WDR11: variants seen among roughly 807,000 people sequenced by gnomAD.
WDR11 encodes WD repeat-containing protein 11.
In WDR11, 83 loss-of-function variants were observed where a neutral mutation model predicts 151.2. That is an observed-to-expected ratio of 0.55 (90% confidence interval 0.46 to 0.66). The LOEUF (loss-of-function observed/expected upper bound fraction) is 0.66. Ranked by LOEUF, WDR11 falls within the 30% of genes least tolerant of loss-of-function variation. WDR11 has a pLI of 0.00. For missense variants in WDR11, 1,301 were observed against 1,480.9 expected (o/e 0.88, Z 1.99); for synonymous variants, 484 against 533.1 (o/e 0.91, Z 1.27).
intron 4 of WDR11, among the ~76,000 whole-genome samples, chr10:120,861,405 TACTC>T (rs1323205492): frequency 1.3e-5 from 2 of 152,184 alleles, no homozygotes; most frequent in African/African-American, 2.4e-5. Flanking sequence ...CCAGTTTACT[TACTC>T]ACATAGGTGC....
intron 28 of WDR11, chr10:120,907,214 C>A: frequency 7.3e-6 from 2 of 273,382 alleles, no homozygotes; most frequent in South Asian, 4.6e-5. Flanking sequence ...ACCAGACATT[C>A]CATGGAATAA....
At chr10:120,871,136 A>G (rs370030833) in intron 9 of WDR11, 34 bp from the exon 10 acceptor site, 15 of 1,606,576 alleles carry the variant, frequency 9.3e-6, no homozygotes, top group Non-Finnish European at 1.3e-5. Context: ...CATACACTGT[A>G]GTTAATATAT....
intron 16 of WDR11, among the ~76,000 whole-genome samples, chr10:120,888,818 T>C (rs773648877): frequency 2.9e-4 from 44 of 152,140 alleles, no homozygotes; most frequent in Non-Finnish European, 5.1e-4. Context: ...GAGGTATTTG[T>C]TCCTCAAAAG....
chr10:120,906,521 T>C, intron 27 of WDR11: 5 of 1,354,356 alleles, frequency 3.7e-6, no homozygotes, highest in Non-Finnish European at 1.9e-6. Context: ...GCACTTGTCA[T>C]ATCTCTGTAG....
intron 19 of WDR11, among the ~76,000 whole-genome samples, chr10:120,896,342 G>T (rs1262622505): frequency 6.6e-6 from 1 of 152,162 alleles, no homozygotes; most frequent in Non-Finnish European, 1.5e-5. Flanking sequence ...ATGGAAAAAT[G>T]GAGAGTATGG....
At chr10:120,865,257 G>T in intron 6 of WDR11, 45 bp downstream of exon 6, 1 of 1,585,354 alleles carries the variant, frequency 6.3e-7, no homozygotes, top group Non-Finnish European at 8.7e-7. Flanking sequence ...TATTAAGAAT[G>T]TTATATTAAA....
At position 120,857,852 on chromosome 10, in the gene WDR11, A is replaced by G. The variant is rs567775392; in HGVS notation, c.199-791A>G. On this transcript the variant is annotated intron_variant, in intron 2 of 28. Transcript: ENST00000263461. The stretch of plus-strand genomic sequence containing the variant: ...AAACAAAGACCACATGGTGTGCCCT[A>G]TGGAACTTACAGTTGATGGACTCAT... Among the ~76,000 whole-genome samples, 16 of 152,350 alleles carry G rather than the reference A, an allele frequency of 1.1e-4. No individual in the cohort carries two copies. The East Asian group carries it at 2.9e-3, about 28-fold the overall frequency.
At chr10:120,855,828 G>A (rs754792507) in intron 2 of WDR11, among the ~76,000 whole-genome samples, 2 of 152,026 alleles carry the variant, frequency 1.3e-5, no homozygotes, top group Non-Finnish European at 2.9e-5. Context: ...TGTTTTCATT[G>A]ATAATCTGTG....
At chr10:120,908,276 A>ATGGGAGACTC in intron 28 of WDR11, 1 of 440,484 alleles carries the variant, frequency 2.3e-6, no homozygotes, top group Non-Finnish European at 4.2e-6. Flanking sequence ...AGTGTAGGTT[A>ATGGGAGACTC]TGGGAGGATG....
chr10:120,906,747 C>A, intron 27 of WDR11, 29 bp from the exon 28 acceptor site: 1 of 1,613,796 alleles, frequency 6.2e-7, no homozygotes, highest in Non-Finnish European at 8.5e-7. Flanking sequence ...AATCACAAAG[C>A]ATAACTCTTG....
chr10:120,901,220 G>T, intron 21 of WDR11, 122 bp downstream of exon 21: 1 of 848,468 alleles, frequency 1.2e-6, no homozygotes. Flanking sequence ...CCCAAGAAGA[G>T]ACCATTCTGT....
Position 120,889,881 on chromosome 10 carries a change from T to G in WDR11, c.2229-14T>G, listed in dbSNP as rs772249100. 1 of 1,584,808 alleles carries G rather than the reference T, an allele frequency of 6.3e-7. No homozygotes were observed. Among genetic ancestry groups the G allele is most frequent in the Non-Finnish European group, 8.7e-7 (1 of 1,153,718 alleles). ...CTCTACATTGTATTGATGTTTTTGT[T>G]TCTTTGTCTTCAGAGGAATACCCAC... On this transcript the variant is annotated splice_polypyrimidine_tract_variant and intron_variant, in intron 17 of 28. Coordinates refer to ENST00000263461, the MANE Select transcript of WDR11 (RefSeq NM_018117.12).
Position 120,858,782 on chromosome 10 carries a change from C to T in WDR11, c.338C>T (p.Ala113Val). 1.2e-6 allele frequency: 2 copies of T among 1,614,154 alleles called. No individual in the cohort carries two copies. Among genetic ancestry groups the T allele is most frequent in the Non-Finnish European group, 1.7e-6 (2 of 1,180,022 alleles). ...GCTCAGTGTGAGATCCAAGAGCATG[C>T]CAAGCCTATCCAGGGTGAGGAAAGT... Reference protein sequence around the residue: ...GVAQCEIQEHAKPIQDVQWLW... With the variant: ...GVAQCEIQEHVKPIQDVQWLW... Residue 113 changes from alanine (A) to valine (V), a missense_variant, in exon 3 of 29, where the codon GCC becomes GTC. This residue lies in a region of WDR11 where 692 missense variants were observed against 762.5 expected (regional missense o/e 0.91). Coordinates refer to ENST00000263461, the MANE Select transcript of WDR11 (RefSeq NM_018117.12).
chr10:120,852,210 A>G, intron 1 of WDR11: 1 of 351,642 alleles, frequency 2.8e-6, no homozygotes, highest in Non-Finnish European at 5.4e-6. Context: ...TAAGGATTAG[A>G]AATCGGATAA....
intron 19 of WDR11, among the ~76,000 whole-genome samples, chr10:120,894,462 G>A (rs569619641): frequency 3.3e-5 from 5 of 152,100 alleles, no homozygotes; most frequent in Admixed American, 6.6e-5. Context: ...AACCTGGAAC[G>A]ATCTGGCGCA....
In WDR11 at chr10:120,865,054, T is replaced by A. The variant is rs1428289224; in HGVS notation, c.721T>A (p.Phe241Ile). 6.2e-7 allele frequency: 1 copy of A among 1,613,890 alleles called. No homozygotes were observed. Among genetic ancestry groups the A allele is most frequent in the Non-Finnish European group, 8.5e-7 (1 of 1,179,818 alleles). The change falls in exon 6 of 29, where the codon TTC becomes ATC. Residue 241 changes from phenylalanine (F) to isoleucine (I), a missense_variant. Physicochemically the swap from Phe to Ile is conservative, Grantham distance 21 (BLOSUM62 0). Coordinates refer to ENST00000263461, the MANE Select transcript of WDR11 (RefSeq NM_018117.12). ...LITQEKPSAEFITLNDCLQLA... is the reference protein window; with the variant it reads ...LITQEKPSAEIITLNDCLQLA... ...AATGTTTACTTTTTTCAGTGCTGAA[T>A]TCATAACTCTCAATGATTGCCTTCA...
chr10:120,888,350 A>T (rs1178644204), intron 16 of WDR11, among the ~76,000 whole-genome samples: 2 of 152,188 alleles, frequency 1.3e-5, no homozygotes, highest in Non-Finnish European at 2.9e-5. Context: ...GCCTCAAATC[A>T]CATACCAGTT....
chr10:120,851,917 C>G (rs2133717016), intron 1 of WDR11: 1 of 293,310 alleles, frequency 3.4e-6, no homozygotes, highest in African/African-American at 2.2e-5. Context: ...ATGTGCCAGA[C>G]CCTGTGCTAG....
chr10:120,885,368 A>G (rs1319091723), intron 14 of WDR11, among the ~76,000 whole-genome samples: 2 of 152,128 alleles, frequency 1.3e-5, no homozygotes, highest in Non-Finnish European at 2.9e-5. Context: ...AAGAACTTAT[A>G]CATATGCGAG....
Sources: allele counts gnomAD v4.1 joint callset (sites outside exome capture counted in the v4.1 genomes callset), GRCh38; gene constraint gnomAD v4.1.1; regional missense constraint gnomAD v4.1.1; transcripts MANE v1.5; gene names NCBI Gene and HGNC (gene_info 2026-07-23, HGNC 2026-07-21).